Variants in C8orf34 observed in about 807,000 individuals in gnomAD.
The protein encoded by C8orf34 is chromosome 8 open reading frame 34.
A neutral mutation model predicts 68.3 loss-of-function variants in C8orf34; 65 were observed. The observed-to-expected ratio is 0.95, with a 90% CI of 0.78 to 1.17. The LOEUF (loss-of-function observed/expected upper bound fraction) is 1.17. Among genes scored for constraint, C8orf34 ranks in the 50% most tolerant of loss-of-function variants. The probability of loss-of-function intolerance (pLI) is 0.00; values close to 1 mark genes in which losing one functional copy is unlikely to be tolerated. For synonymous variants in C8orf34, 244 were observed against 241.2 expected (o/e 1.01, Z -0.11); for missense variants, 664 against 655.4 (o/e 1.01, Z -0.14).
intron 3 of C8orf34, among the ~76,000 whole-genome samples, chr8:68,461,724 T>G (rs1051755147): frequency 2.6e-5 from 4 of 152,122 alleles, no homozygotes; most frequent in Non-Finnish European, 4.4e-5. Context: ...TAAAATCCTT[T>G]ACAGACAAGC....
At chr8:68,774,650 G>A in intron 10 of C8orf34, among the ~76,000 whole-genome samples, 1 of 151,646 alleles carries the variant, frequency 6.6e-6, no homozygotes, top group Non-Finnish European at 1.5e-5. Flanking sequence ...TAAGTTTTGG[G>A]GAATACCAGC....
chr8:68,589,588 T>TGAAG (rs370192284), intron 7 of C8orf34, among the ~76,000 whole-genome samples: 77,254 of 130,128 alleles, frequency 0.59, 22,133 homozygotes, highest in African/African-American at 0.65. Context: ...GAAGGAAGGA[T>TGAAG]GAAGGAAGGA....
rs188797666 is a variant in C8orf34, at chr8:68,473,238, A to T, written c.736+4418A>T. ...TAAGAGAGAGGGGTGCCCAAATGGG[A>T]CTTCTGGCCCACTGCCGAGTGCATC... On this transcript the variant is annotated intron_variant, in intron 4 of 13. Transcript: ENST00000518698. Among the ~76,000 whole-genome samples, 751 of 152,228 alleles carry T rather than the reference A, an allele frequency of 4.9e-3. 21 individuals are homozygous for T. Among genetic ancestry groups the T allele is most frequent in the Non-Finnish European group, 9.7e-4 (66 of 68,016 alleles).
intron 7 of C8orf34, among the ~76,000 whole-genome samples, chr8:68,605,347 T>C (rs2130526733): frequency 6.6e-6 from 1 of 152,254 alleles, no homozygotes; most frequent in African/African-American, 2.4e-5. Context: ...ATTCGGCAAT[T>C]GCACTCCTTG....
rs1449485775 is a variant in C8orf34, at chr8:68,426,355, C to T, written c.328-13144C>T. Reference sequence around the variant, plus strand: ...CAACATGGTGAAAGCCCATCTCTACCAAAAAATGCAAAAATTGCCTGGGCA... The same window carrying T: ...CAACATGGTGAAAGCCCATCTCTACTAAAAAATGCAAAAATTGCCTGGGCA... On this transcript the variant is annotated intron_variant, in intron 1 of 13. Transcript: ENST00000518698. 2.0e-5 allele frequency among the ~76,000 whole-genome samples: 3 copies of T among 151,092 alleles called. No individual in the cohort carries two copies. In the East Asian group the frequency reaches 5.9e-4, roughly 30 times the overall value.
At chr8:68,690,722 C>T (rs572451802) in intron 8 of C8orf34, among the ~76,000 whole-genome samples, 1 of 152,102 alleles carries the variant, frequency 6.6e-6, no homozygotes, top group South Asian at 2.1e-4. Context: ...CAGGGGGAAA[C>T]ATTCAGACCA....
intron 12 of C8orf34, among the ~76,000 whole-genome samples, chr8:68,795,034 A>G (rs1824137765): frequency 6.6e-6 from 1 of 152,150 alleles, no homozygotes; most frequent in Non-Finnish European, 1.5e-5. Flanking sequence ...CAGATTGCAT[A>G]ATGTACATTG....
intron 5 of C8orf34, among the ~76,000 whole-genome samples, chr8:68,507,751 T>C (rs1814087227): frequency 6.6e-6 from 1 of 152,216 alleles, no homozygotes; most frequent in Admixed American, 6.5e-5. Flanking sequence ...TTTCAGCCCC[T>C]TTAACTCCAG....
chr8:68,546,331 T>C (rs1449249946), intron 7 of C8orf34, among the ~76,000 whole-genome samples: 1 of 151,966 alleles, frequency 6.6e-6, no homozygotes, highest in African/African-American at 2.4e-5. Context: ...ATTCACACTC[T>C]GAAGGCCAGA....
intron 10 of C8orf34, among the ~76,000 whole-genome samples, chr8:68,729,393 T>A (rs750778935): frequency 1.2e-4 from 18 of 152,200 alleles, no homozygotes; most frequent in Non-Finnish European, 2.4e-4. Flanking sequence ...AAAGAAACTT[T>A]GGCAATCTGC....
chr8:68,758,474 G>C (rs974974379), intron 10 of C8orf34, among the ~76,000 whole-genome samples: 2 of 152,100 alleles, frequency 1.3e-5, no homozygotes, highest in African/African-American at 4.8e-5. Flanking sequence ...TCTTGGCTGG[G>C]AACACCAGGC....
At chr8:68,345,238 A>C (rs1170506137) in intron 1 of C8orf34, among the ~76,000 whole-genome samples, 1 of 152,028 alleles carries the variant, frequency 6.6e-6, no homozygotes, top group African/African-American at 2.4e-5. Flanking sequence ...AATATTTACT[A>C]ATAAAATAAC....
At chr8:68,473,132 C>A (rs995993754) in intron 4 of C8orf34, among the ~76,000 whole-genome samples, 2 of 152,122 alleles carry the variant, frequency 1.3e-5, no homozygotes. Flanking sequence ...GCACTGAGGG[C>A]ACAGACACAA....
chr8:68,462,629 T>A (rs1452862298), intron 3 of C8orf34, among the ~76,000 whole-genome samples: 2 of 151,860 alleles, frequency 1.3e-5, no homozygotes, highest in Non-Finnish European at 2.9e-5. Flanking sequence ...AACTCAGGAT[T>A]AAGAAACTCA....
At chr8:68,432,910 C>CA (rs373853746) in intron 1 of C8orf34, among the ~76,000 whole-genome samples, 9 of 151,586 alleles carry the variant, frequency 5.9e-5, no homozygotes, top group Non-Finnish European at 7.4e-5. Context: ...TACTGCCATT[C>CA]AAAAAAAATA....
intron 10 of C8orf34, among the ~76,000 whole-genome samples, chr8:68,727,724 G>C (rs1821873130): frequency 6.6e-6 from 1 of 152,198 alleles, no homozygotes; most frequent in African/African-American, 2.4e-5. Context: ...CAAAGGCTTG[G>C]GGCTTCCACC....
chr8:68,782,932 C>T (rs959408345), intron 11 of C8orf34, among the ~76,000 whole-genome samples: 7 of 151,728 alleles, frequency 4.6e-5, no homozygotes, highest in African/African-American at 1.7e-4. Context: ...GTTATTGAGG[C>T]ATAGTGGCAC....
chr8:68,377,460 G>T (rs554764826), intron 1 of C8orf34, among the ~76,000 whole-genome samples: 2 of 152,066 alleles, frequency 1.3e-5, no homozygotes, highest in Middle Eastern at 3.4e-3. Flanking sequence ...AGGGGGAGGA[G>T]GAAGAAAAGG....
intron 1 of C8orf34, among the ~76,000 whole-genome samples, chr8:68,433,359 A>G (rs1446380331): frequency 1.3e-5 from 2 of 152,150 alleles, no homozygotes; most frequent in Non-Finnish European, 2.9e-5. Context: ...AACATATCTG[A>G]TTGGTACCAC....
Sources: gnomAD v4.1 joint callset for allele counts (sites outside exome capture counted in the v4.1 genomes callset) on GRCh38, gnomAD v4.1.1 for gene constraint, MANE v1.5 for transcripts, NCBI Gene and HGNC (gene_info 2026-07-23, HGNC 2026-07-21) for gene names.